The following ZFPM2 variants were observed in gnomAD, a reference collection of about 807,000 sequenced individuals.
ZFPM2 encodes the protein zinc finger protein ZFPM2.
Under a neutral mutation model 98.6 loss-of-function variants are expected in ZFPM2, and 20 were observed. The observed-to-expected ratio is 0.20, with a 90% confidence interval of 0.14 to 0.29. The LOEUF (loss-of-function observed/expected upper bound fraction) is 0.29. ZFPM2 is among the 10% of genes least tolerant of loss of function. The probability of loss-of-function intolerance (pLI) is 1.00; values close to 1 mark genes in which losing one functional copy is unlikely to be tolerated. For synonymous variants in ZFPM2, 518 were observed against 502.7 expected (o/e 1.03, Z -0.41); for missense variants, 1,310 against 1,388.6 (o/e 0.94, Z 0.90).
At chr8:105,512,758 A>C (rs1384076756) in intron 3 of ZFPM2, among the ~76,000 whole-genome samples, 2 of 152,224 alleles carry the variant, frequency 1.3e-5, no homozygotes. Context: ...TTGGTCAAAT[A>C]ACTGTATCTT....
chr8:105,574,028 G>T (rs1322422339), intron 4 of ZFPM2, among the ~76,000 whole-genome samples: 1 of 152,126 alleles, frequency 6.6e-6, no homozygotes, highest in African/African-American at 2.4e-5. Context: ...AACAAACCTG[G>T]ATTCCTTTTA....
chr8:105,428,877 C>A (rs1227479306), intron 2 of ZFPM2, among the ~76,000 whole-genome samples: 2 of 152,106 alleles, frequency 1.3e-5, no homozygotes, highest in East Asian at 3.8e-4. Flanking sequence ...GTAAGCAGTG[C>A]ATTCTAACAG....
intron 4 of ZFPM2, among the ~76,000 whole-genome samples, chr8:105,629,090 A>C (rs1007948873): frequency 2.0e-5 from 3 of 152,140 alleles, no homozygotes; most frequent in African/African-American, 7.2e-5. Flanking sequence ...TGCTTCCTGC[A>C]CCTGCTCACC....
At chr8:105,331,165 T>TA (rs1243567942) in intron 1 of ZFPM2, among the ~76,000 whole-genome samples, 27 of 111,418 alleles carry the variant, frequency 2.4e-4, no homozygotes, top group African/African-American at 6.4e-4. Context: ...TATATATATA[T>TA]TATACACACA....
At chr8:105,649,114 C>G (rs1048085413) in intron 5 of ZFPM2, among the ~76,000 whole-genome samples, 3 of 152,022 alleles carry the variant, frequency 2.0e-5, no homozygotes, top group Non-Finnish European at 4.4e-5. Context: ...AGTTTGATTC[C>G]TAGGTATTTT....
chr8:105,681,050 G>A (rs1406296344), intron 5 of ZFPM2, among the ~76,000 whole-genome samples: 2 of 152,196 alleles, frequency 1.3e-5, no homozygotes, highest in Non-Finnish European at 2.9e-5. Flanking sequence ...TATAGTGGGT[G>A]TGAAAATATA....
rs1316717585 is a variant in ZFPM2, at chr8:105,801,173, G to A, written c.1091G>A (p.Arg364Gln). ...LFSHLTQAAF[R>Q]CNHCHFGFQT... is the part of the protein sequence containing the mutation. ...TCCCATCTCACTCAAGCTGCCTTCC[G>A]ATGTAATCACTGCCATTTCGGCTTC... Residue 364 changes from arginine to glutamine, a missense_variant, in exon 8 of 8, where the codon CGA (arginine) becomes CAA (glutamine). Transcript: ENST00000407775. 25 of 1,613,854 alleles carry A rather than the reference G, an allele frequency of 1.5e-5. No individual in the cohort carries two copies. The highest frequency in any genetic ancestry group is 1.9e-5 in the Non-Finnish European group (23 of 1,179,862).
intron 3 of ZFPM2, among the ~76,000 whole-genome samples, chr8:105,484,089 A>T (rs1170243635): frequency 2.6e-5 from 4 of 151,854 alleles, no homozygotes; most frequent in African/African-American, 9.7e-5. Context: ...GTTGCATATG[A>T]TCTTTCTAGG....
intron 5 of ZFPM2, among the ~76,000 whole-genome samples, chr8:105,735,055 A>G (rs1056662521): frequency 2.0e-5 from 3 of 148,710 alleles, no homozygotes; most frequent in Non-Finnish European, 4.5e-5. Flanking sequence ...TTTTAATGGC[A>G]AAAACCACAA....
At chr8:105,359,594 T>G (rs897907911) in intron 1 of ZFPM2, among the ~76,000 whole-genome samples, 2 of 152,046 alleles carry the variant, frequency 1.3e-5, no homozygotes, top group Admixed American at 1.3e-4. Context: ...CAGGATGGTC[T>G]TGATCTCCTG....
intron 5 of ZFPM2, among the ~76,000 whole-genome samples, chr8:105,739,173 A>T (rs1812156381): frequency 6.6e-6 from 1 of 152,096 alleles, no homozygotes; most frequent in South Asian, 2.1e-4. Flanking sequence ...GCATGTTTTA[A>T]ATGACTCTCT....
chr8:105,455,395 C>T (rs765240523), intron 3 of ZFPM2, among the ~76,000 whole-genome samples: 1 of 151,950 alleles, frequency 6.6e-6, no homozygotes, highest in Non-Finnish European at 1.5e-5. Context: ...TTTTCAAAAC[C>T]GTTGTCATGA....
intron 5 of ZFPM2, among the ~76,000 whole-genome samples, chr8:105,720,443 T>A (rs1173315304): frequency 6.6e-6 from 1 of 151,946 alleles, no homozygotes; most frequent in Non-Finnish European, 1.5e-5. Context: ...TGTTCACTAC[T>A]AATTTATGAT....
intron 4 of ZFPM2, among the ~76,000 whole-genome samples, chr8:105,579,788 T>G (rs1255305568): frequency 6.6e-6 from 1 of 152,114 alleles, no homozygotes; most frequent in Admixed American, 6.6e-5. Context: ...TTCCACAAAC[T>G]GATAATTTTT....
chr8:105,484,980 A>C (rs1212865092), intron 3 of ZFPM2, among the ~76,000 whole-genome samples: 1 of 152,228 alleles, frequency 6.6e-6, no homozygotes, highest in African/African-American at 2.4e-5. Context: ...CCTGATAAAG[A>C]CAGACTAGTG....
intron 5 of ZFPM2, among the ~76,000 whole-genome samples, chr8:105,695,472 C>A (rs6469009): frequency 0.5 from 74,258 of 147,156 alleles, 19,261 homozygotes; most frequent in East Asian, 0.71. Context: ...GAGATCAACT[C>A]ATTAAATACT....
In ZFPM2 at chr8:105,788,917, T is replaced by C. The variant is rs1198270311; in HGVS notation, c.732T>C (p.Ile244=). ...TGGCTTCTATTTTGCCCACAGCTAT[T>C]GTCAATAGTAAGTGCTCAGTGCTGT... The part of the protein sequence containing the change: ...AAMASILPTA[I]VNKDIFPCKS... Residue 244 remains isoleucine, a synonymous_variant, in exon 6 of 8, where the codon ATT becomes ATC. Coordinates refer to ENST00000407775, the MANE Select transcript of ZFPM2 (RefSeq NM_012082.4). The C allele has an allele frequency of 2.0e-5, 32 of 1,613,394 alleles. No homozygotes were observed. Among genetic ancestry groups the C allele is most frequent in the Non-Finnish European group, 2.7e-5 (32 of 1,179,562 alleles).
intron 1 of ZFPM2, among the ~76,000 whole-genome samples, chr8:105,407,558 C>T (rs1158990829): frequency 1.3e-5 from 2 of 151,790 alleles, no homozygotes; most frequent in Non-Finnish European, 2.9e-5. Context: ...TGCGAAATCC[C>T]CCATACTTGT....
At chr8:105,383,833 T>C (rs1291872540) in intron 1 of ZFPM2, among the ~76,000 whole-genome samples, 1 of 152,166 alleles carries the variant, frequency 6.6e-6, no homozygotes. Flanking sequence ...ATTCAGAATT[T>C]TGAAAAAAAC....
Sources: allele counts gnomAD v4.1 joint callset (sites outside exome capture counted in the v4.1 genomes callset), GRCh38; gene constraint gnomAD v4.1.1; transcripts MANE v1.5; gene names NCBI Gene and HGNC (gene_info 2026-07-23, HGNC 2026-07-21).